The following HCN1 variants were observed in gnomAD, a reference collection of about 807,000 sequenced individuals.
HCN1 encodes the protein potassium/sodium hyperpolarization-activated cyclic nucleotide-gated channel 1.
A neutral mutation model predicts 78.9 loss-of-function variants in HCN1; 13 were observed. The observed-to-expected ratio is 0.16, with a 90% CI of 0.11 to 0.26. The LOEUF (loss-of-function observed/expected upper bound fraction) is 0.26. Ranked by LOEUF, HCN1 falls within the 10% of genes least tolerant of loss-of-function variation. The pLI, the probability that HCN1 is intolerant of heterozygous loss-of-function variation, is 1.00. For missense variants in HCN1, 810 were observed against 1,154.3 expected, an observed-to-expected ratio of 0.70 and a Z score of 4.32; for synonymous variants, 552 against 455.5, an observed-to-expected ratio of 1.21 and a Z score of -2.70.
At chr5:45,523,235 C>T (rs988059577) in intron 2 of HCN1, among the ~76,000 whole-genome samples, 2 of 152,072 alleles carry the variant, frequency 1.3e-5, no homozygotes, top group Non-Finnish European at 1.5e-5. Flanking sequence ...ATATGTGCCA[C>T]ATTTTCTTAA....
chr5:45,351,267 C>A (rs1018869098), intron 5 of HCN1, among the ~76,000 whole-genome samples: 1 of 150,654 alleles, frequency 6.6e-6, no homozygotes, highest in African/African-American at 2.5e-5. Context: ...GAAAAACAAG[C>A]AATGGGGAAA....
intron 1 of HCN1, among the ~76,000 whole-genome samples, chr5:45,658,865 C>G (rs1258043761): frequency 6.7e-6 from 1 of 149,762 alleles, no homozygotes; most frequent in Non-Finnish European, 1.5e-5. Flanking sequence ...AAGGCGGCAA[C>G]GAGGCTGGGG....
In HCN1 at chr5:45,353,116, T is replaced by G. The variant is rs1426831704; in HGVS notation, c.1361A>C (p.Asn454Thr). ...FDEENILNEL[N>T]DPLREEIVNF... ...AAATCTTACCTCTCTCAGAGGATCA[T>G]TGAGTTCATTGAGAATATTTTCCTC... is the stretch of plus-strand genomic sequence containing the variant. Residue 454 changes from asparagine to threonine, a missense_variant, in exon 5 of 8, where the codon AAT (asparagine) becomes ACT (threonine). This residue lies in a region of HCN1 where 100 missense variants were observed against 126.8 expected (regional missense o/e 0.79). Coordinates refer to ENST00000303230, the MANE Select transcript of HCN1 (RefSeq NM_021072.4). 1 of 1,611,012 alleles carries G rather than the reference T, an allele frequency of 6.2e-7. No homozygotes were observed. The highest frequency in any genetic ancestry group is 8.5e-7 in the Non-Finnish European group (1 of 1,178,028).
intron 1 of HCN1, among the ~76,000 whole-genome samples, chr5:45,694,485 T>G (rs1387864079): frequency 1.3e-5 from 2 of 152,206 alleles, no homozygotes; most frequent in South Asian, 2.1e-4. Context: ...TTAAGGCATG[T>G]AGTTGGTGAC....
chr5:45,384,111 T>C (rs1002451895), intron 4 of HCN1, among the ~76,000 whole-genome samples: 3 of 151,954 alleles, frequency 2.0e-5, no homozygotes, highest in Non-Finnish European at 4.4e-5. Context: ...CATCAAAGAG[T>C]TTGCTGGGGG....
At chr5:45,352,293 C>T (rs1452448847) in intron 5 of HCN1, among the ~76,000 whole-genome samples, 1 of 151,260 alleles carries the variant, frequency 6.6e-6, no homozygotes, top group South Asian at 2.1e-4. Context: ...TCGAACACCG[C>T]ATGTTCTCAC....
chr5:45,387,048 T>C (rs530536645), intron 4 of HCN1, among the ~76,000 whole-genome samples: 4 of 151,962 alleles, frequency 2.6e-5, no homozygotes, highest in Non-Finnish European at 5.9e-5. Context: ...TCATTTATGT[T>C]ATATTATAAT....
intron 6 of HCN1, among the ~76,000 whole-genome samples, chr5:45,294,545 G>T (rs2111890090): frequency 6.6e-6 from 1 of 152,028 alleles, no homozygotes; most frequent in African/African-American, 2.4e-5. Flanking sequence ...TGATTGTTAA[G>T]AGGTGAATGA....
At chr5:45,289,935 C>T (rs756118808) in intron 6 of HCN1, among the ~76,000 whole-genome samples, 9 of 151,860 alleles carry the variant, frequency 5.9e-5, no homozygotes, top group Non-Finnish European at 1.2e-4. Flanking sequence ...TGGTTCTCTG[C>T]CTGTTTATAT....
At position 45,373,571 on chromosome 5, in the gene HCN1, A is replaced by G. The variant is rs184605856; in HGVS notation, c.1231-20325T>C. On this transcript the variant is annotated intron_variant, in intron 4 of 7. Coordinates refer to ENST00000303230, the MANE Select transcript of HCN1 (RefSeq NM_021072.4). ...CTATAATATATATTACATACATTAT[A>G]TACGTCATCTATAATATATTACATA... Among the ~76,000 whole-genome samples, 27 of 140,626 alleles carry G rather than the reference A, an allele frequency of 1.9e-4. No individual in the cohort carries two copies. In the East Asian group the frequency reaches 2.4e-3, roughly 12 times the overall value. The allele number at this position is 140,626 out of a possible 152,430, so 92.3% of individuals were successfully genotyped here.
intron 2 of HCN1, chr5:45,643,069 T>C (rs1745483963): frequency 2.6e-5 from 4 of 152,144 alleles, no homozygotes; most frequent in Admixed American, 2.6e-4. Flanking sequence ...TGTAAGTGCA[T>C]ATTAAATTGC....
intron 5 of HCN1, among the ~76,000 whole-genome samples, chr5:45,309,823 T>A (rs1745815145): frequency 6.6e-6 from 1 of 152,116 alleles, no homozygotes; most frequent in Non-Finnish European, 1.5e-5. Context: ...TGGGCTGAAG[T>A]TTTCTTTTTT....
At chr5:45,453,050 A>G (rs962231076) in intron 3 of HCN1, among the ~76,000 whole-genome samples, 2 of 152,058 alleles carry the variant, frequency 1.3e-5, no homozygotes, top group African/African-American at 2.4e-5. Context: ...TAGAAAAAGC[A>G]AAGTGTGGAG....
chr5:45,549,018 C>A (rs954544758), intron 2 of HCN1, among the ~76,000 whole-genome samples: 2 of 151,226 alleles, frequency 1.3e-5, no homozygotes, highest in African/African-American at 2.4e-5. Context: ...AATGGAAGAA[C>A]ATTCCATGCT....
At chr5:45,349,794 G>T (rs949559823) in intron 5 of HCN1, among the ~76,000 whole-genome samples, 7 of 151,908 alleles carry the variant, frequency 4.6e-5, no homozygotes, top group Admixed American at 2.0e-4. Context: ...AAGATTTCTC[G>T]ACACATACAC....
At chr5:45,383,943 A>G (rs1375789916) in intron 4 of HCN1, among the ~76,000 whole-genome samples, 2 of 152,112 alleles carry the variant, frequency 1.3e-5, no homozygotes, top group Non-Finnish European at 2.9e-5. Context: ...ACAACCTTAT[A>G]CAACATCTGA....
At chr5:45,352,073 A>G (rs957312450) in intron 5 of HCN1, among the ~76,000 whole-genome samples, 1 of 152,324 alleles carries the variant, frequency 6.6e-6, no homozygotes, top group African/African-American at 2.4e-5. Flanking sequence ...AGACAGATGC[A>G]CACGTATGTT....
chr5:45,669,348 G>A (rs775454672), intron 1 of HCN1, among the ~76,000 whole-genome samples: 2 of 151,800 alleles, frequency 1.3e-5, no homozygotes, highest in African/African-American at 2.4e-5. Flanking sequence ...TGCCAGAGAA[G>A]CTAGGAAATG....
At chr5:45,339,642 TA>T (rs1470300464) in intron 5 of HCN1, among the ~76,000 whole-genome samples, 2 of 152,172 alleles carry the variant, frequency 1.3e-5, no homozygotes, top group Non-Finnish European at 2.9e-5. Flanking sequence ...ATCAATATGG[TA>T]GCTCTGTAAT....
Sources: allele counts gnomAD v4.1 joint callset (sites outside exome capture counted in the v4.1 genomes callset), GRCh38; gene constraint gnomAD v4.1.1; regional missense constraint gnomAD v4.1.1; transcripts MANE v1.5; gene names NCBI Gene and HGNC (gene_info 2026-07-23, HGNC 2026-07-21).